The following FOXP1 variants were observed in gnomAD, a reference collection of about 807,000 sequenced individuals.
FOXP1 encodes the protein forkhead box P1, also known as forkhead box protein P1.
Under a neutral mutation model 98.2 loss-of-function variants are expected in FOXP1, and 15 were observed. The observed-to-expected ratio is 0.15, with a 90% CI of 0.10 to 0.24. The LOEUF is 0.24. Ranked by LOEUF, FOXP1 falls within the 10% of genes least tolerant of loss-of-function variation. FOXP1 has a pLI of 1.00. For synonymous variants in FOXP1, 371 were observed against 314.5 expected, an observed-to-expected ratio of 1.18 and a Z score of -1.90; for missense variants, 633 against 848.5, an observed-to-expected ratio of 0.75 and a Z score of 3.15.
chr3:71,441,426 T>A (rs1034795767), intron 3 of FOXP1, among the ~76,000 whole-genome samples: 14 of 152,228 alleles, frequency 9.2e-5, no homozygotes, highest in African/African-American at 3.4e-4. Context: ...AGTTAGCAGC[T>A]CTGCTCCAGA....
intron 14 of FOXP1, among the ~76,000 whole-genome samples, chr3:70,984,311 A>C (rs2039376136): frequency 6.6e-6 from 1 of 152,134 alleles, no homozygotes; most frequent in African/African-American, 2.4e-5. Flanking sequence ...CTGGGCACCC[A>C]CTCTTAACCT....
At chr3:71,511,960 G>T (rs1043149184) in intron 2 of FOXP1, among the ~76,000 whole-genome samples, 2 of 152,214 alleles carry the variant, frequency 1.3e-5, no homozygotes, top group Non-Finnish European at 2.9e-5. Flanking sequence ...TGACGGAACT[G>T]CTGGTGATGA....
intron 2 of FOXP1, among the ~76,000 whole-genome samples, chr3:71,526,696 G>A (rs968940593): frequency 7.2e-5 from 11 of 152,114 alleles, no homozygotes; most frequent in Admixed American, 5.2e-4. Context: ...AGCCAGGCAC[G>A]GTGGCTCACG....
chr3:71,427,558 G>T (rs971017184), intron 3 of FOXP1, among the ~76,000 whole-genome samples: 2 of 152,238 alleles, frequency 1.3e-5, no homozygotes, highest in African/African-American at 4.8e-5. Context: ...ACAAACACAC[G>T]TGATATGATT....
chr3:71,583,799 A>AGCGCCGGTGGCGGCG (rs1045952233), upstream of FOXP1: 60 of 984,652 alleles, frequency 6.1e-5, no homozygotes, highest in Non-Finnish European at 6.9e-5. Flanking sequence ...GAGCCCAGCC[A>AGCGCCGGTGGCGGCG]GCGCCGGTGG....
intron 6 of FOXP1, among the ~76,000 whole-genome samples, chr3:71,178,080 T>G (rs1420878540): frequency 6.6e-6 from 1 of 151,380 alleles, no homozygotes; most frequent in East Asian, 1.9e-4. Context: ...GAAATCATCC[T>G]GCCTCGGCCT....
At chr3:71,433,825 G>A (rs1021503282) in intron 3 of FOXP1, among the ~76,000 whole-genome samples, 3 of 152,166 alleles carry the variant, frequency 2.0e-5, no homozygotes, top group African/African-American at 2.4e-5. Context: ...CGGCAGGCAA[G>A]CAAAGGCGTG....
At chr3:71,049,386 C>G (rs905105733) in intron 9 of FOXP1, among the ~76,000 whole-genome samples, 2 of 152,160 alleles carry the variant, frequency 1.3e-5, no homozygotes, top group Non-Finnish European at 2.9e-5. Context: ...TTCCTCACCA[C>G]TTCTGTCCAA....
chr3:71,323,382 A>G (rs1354937608), intron 4 of FOXP1, among the ~76,000 whole-genome samples: 2 of 152,222 alleles, frequency 1.3e-5, no homozygotes, highest in East Asian at 3.8e-4. Flanking sequence ...GACCATCCCA[A>G]CACAGAAACT....
intron 5 of FOXP1, among the ~76,000 whole-genome samples, chr3:71,230,457 C>T (rs1351020867): frequency 6.6e-6 from 1 of 152,182 alleles, no homozygotes; most frequent in African/African-American, 2.4e-5. Flanking sequence ...AAACCCTCCT[C>T]TACCTGGAAA....
chr3:70,971,597 T>C (rs573333114), intron 18 of FOXP1: 1 of 157,630 alleles, frequency 6.3e-6, no homozygotes, highest in African/African-American at 2.4e-5. Flanking sequence ...GCTTGGAACA[T>C]TTTAGTCATT....
intron 5 of FOXP1, among the ~76,000 whole-genome samples, chr3:71,230,479 G>A (rs1402831814): frequency 6.6e-6 from 1 of 152,168 alleles, no homozygotes; most frequent in Non-Finnish European, 1.5e-5. Flanking sequence ...AAAGGAACAG[G>A]AGGGGGTTAA....
chr3:71,023,312 T>C (rs1160453652), intron 11 of FOXP1, among the ~76,000 whole-genome samples: 2 of 152,162 alleles, frequency 1.3e-5, no homozygotes, highest in Admixed American at 1.3e-4. Flanking sequence ...AGCCACAGAA[T>C]CCTCCTTTTT....
In FOXP1 at chr3:71,190,240, C is replaced by T. The variant is rs2062882162; in HGVS notation, c.180+7962G>A. ...GCTAAGTAAACTCTAAGTTATTCTC[C>T]CATGTTTTCCTAGCACCTAACATAT... On this transcript the variant is annotated intron_variant, in intron 6 of 20. Coordinates refer to ENST00000649528, the MANE Select transcript of FOXP1 (RefSeq NM_001349338.3). Among the ~76,000 whole-genome samples, 3 of 152,186 alleles carry T rather than the reference C, an allele frequency of 2.0e-5. No individual in the cohort carries two copies. In the South Asian group the frequency reaches 6.2e-4, roughly 32 times the overall value.
intron 2 of FOXP1, among the ~76,000 whole-genome samples, chr3:71,497,765 C>T (rs1185217111): frequency 6.6e-6 from 1 of 152,188 alleles, no homozygotes; most frequent in African/African-American, 2.4e-5. Flanking sequence ...CAGCTGAGAA[C>T]ACTATCAAAC....
chr3:71,293,258 T>A (rs192770418), intron 5 of FOXP1, among the ~76,000 whole-genome samples: 6 of 152,268 alleles, frequency 3.9e-5, no homozygotes, highest in Admixed American at 3.3e-4. Context: ...AGGTGAGCAG[T>A]TGGAATATTT....
chr3:70,967,707 TTTG>T (rs1559586335), intron 19 of FOXP1, among the ~76,000 whole-genome samples: 3,077 of 124,268 alleles, frequency 0.025, 117 homozygotes, highest in East Asian at 0.14. Context: ...TTTGTTTTTT[TTTG>T]TTTTTTTTTT....
chr3:71,102,836 C>T (rs1559932751), intron 7 of FOXP1, among the ~76,000 whole-genome samples: 1 of 152,234 alleles, frequency 6.6e-6, no homozygotes, highest in East Asian at 1.9e-4. Context: ...AGCATAGACT[C>T]TTGAGCCAGA....
chr3:71,443,749 A>G (rs917183925), intron 3 of FOXP1, among the ~76,000 whole-genome samples: 1 of 151,938 alleles, frequency 6.6e-6, no homozygotes, highest in African/African-American at 2.4e-5. Context: ...TCCTTTTGTC[A>G]TTTTTTTCTC....
Sources: gnomAD v4.1 joint callset for allele counts (sites outside exome capture counted in the v4.1 genomes callset) on GRCh38, gnomAD v4.1.1 for gene constraint, MANE v1.5 for transcripts, NCBI Gene and HGNC (gene_info 2026-07-23, HGNC 2026-07-21) for gene names.